Variants in PTPRT observed in about 807,000 individuals in gnomAD.
PTPRT encodes the protein protein tyrosine phosphatase receptor type T.
Under a neutral mutation model 176.8 loss-of-function variants are expected in PTPRT, and 56 were observed. The observed-to-expected ratio is 0.32, with a 90% CI of 0.26 to 0.40. The LOEUF is 0.40. Among genes scored for constraint, PTPRT ranks in the 10% least tolerant of loss-of-function variants. PTPRT has a pLI of 1.00. For missense variants in PTPRT, 1,540 were observed against 1,908.2 expected (o/e 0.81, Z 3.60); for synonymous variants, 783 against 739.0 (o/e 1.06, Z -0.96).
rs1255267199 is a variant in PTPRT, at chr20:42,771,488, A to G, written c.631T>C (p.Phe211Leu). Residue 211 changes from phenylalanine (F) to leucine (L), a missense_variant, in exon 5 of 31, where the codon TTT becomes CTT. Around this residue, in one of 11 missense-constraint regions of PTPRT, gnomAD observed 273 missense variants for 432.1 expected, o/e 0.63. Coordinates refer to ENST00000373187, the MANE Select transcript of PTPRT (RefSeq NM_007050.6). The stretch of plus-strand genomic sequence containing the variant: ...CACTTCCCACCAGCAATGCACTGAA[A>G]TGTGGCATTCTGCCCCACATTCACC... ...VEVNVGQNAT[F>L]QCIAGGKWSQ... 12 of 1,614,000 alleles carry G rather than the reference A, an allele frequency of 7.4e-6. No individual in the cohort carries two copies. The highest frequency in any genetic ancestry group is 1.0e-5 in the Non-Finnish European group (12 of 1,180,020).
At position 42,076,696 on chromosome 20, in the gene PTPRT, G is replaced by A. The variant is rs1193623526; in HGVS notation, c.*4183C>T. 2 of 197,382 alleles carry A rather than the reference G, an allele frequency of 1.0e-5. No individual in the cohort carries two copies. Among genetic ancestry groups the A allele is most frequent in the African/African-American group, 5.0e-5 (2 of 39,876 alleles). 12.2% of individuals were successfully genotyped at this position (197,382 alleles called of 1,614,324 possible). A position where few individuals can be genotyped will look rare whatever the true frequency, so the allele number is the denominator to read the frequency against. ...CAGCTGACCTAGGGTCCGTCATAGC[G>A]GGGTGAACAGAACAGAACAACATGA... On this transcript the variant is annotated 3_prime_UTR_variant, in exon 31 of 31. Transcript: ENST00000373187.
In PTPRT at chr20:42,441,451, G is replaced by A. The variant is rs549714305; in HGVS notation, c.1560+6769C>T. Among the ~76,000 whole-genome samples, 30 of 152,332 alleles carry A rather than the reference G, an allele frequency of 2.0e-4. No homozygotes were observed. In the East Asian group the frequency reaches 4.8e-3, roughly 25 times the overall value. ...TGCAGTAAGCAATGGGAAGAGGAGCGGCAGGTGAAGATAGAGAGGCAGCCA... is the reference window on the plus strand; with the variant it reads ...TGCAGTAAGCAATGGGAAGAGGAGCAGCAGGTGAAGATAGAGAGGCAGCCA... On this transcript the variant is annotated intron_variant, in intron 9 of 30. Transcript: ENST00000373187.
chr20:43,043,768 C>G (rs1986728410), intron 1 of PTPRT, among the ~76,000 whole-genome samples: 1 of 152,202 alleles, frequency 6.6e-6, no homozygotes. Flanking sequence ...AATGGGTAAA[C>G]TGAGGTCTGA....
At chr20:42,776,552 C>A (rs1330987149) in intron 4 of PTPRT, among the ~76,000 whole-genome samples, 1 of 152,080 alleles carries the variant, frequency 6.6e-6, no homozygotes, top group Non-Finnish European at 1.5e-5. Flanking sequence ...ACTACGGTGG[C>A]CAACACCTTG....
chr20:42,225,102 C>T (rs942774854), intron 15 of PTPRT, among the ~76,000 whole-genome samples: 1 of 152,112 alleles, frequency 6.6e-6, no homozygotes, highest in African/African-American at 2.4e-5. Flanking sequence ...CGGGTGGATG[C>T]CAGGAGGAGG....
At chr20:42,053,199 A>T in the PTPRT span, among the ~76,000 whole-genome samples, 1 of 152,208 alleles carries the variant, frequency 6.6e-6, no homozygotes, top group African/African-American at 2.4e-5. Context: ...TGGGTCCCGT[A>T]TCCAGAGGTT....
intron 19 of PTPRT, among the ~76,000 whole-genome samples, chr20:42,126,937 T>C (rs1018475025): frequency 2.6e-5 from 4 of 152,238 alleles, no homozygotes; most frequent in Middle Eastern, 6.8e-3. Context: ...ACGGTGTTCA[T>C]CTTCAACTCC....
chr20:42,301,127 A>G (rs2057461812), intron 12 of PTPRT, among the ~76,000 whole-genome samples: 1 of 152,248 alleles, frequency 6.6e-6, no homozygotes, highest in Admixed American at 6.5e-5. Flanking sequence ...ATATATTACA[A>G]AGAAATAGTA....
At chr20:42,412,706 T>C (rs1277215905) in intron 9 of PTPRT, among the ~76,000 whole-genome samples, 1 of 152,198 alleles carries the variant, frequency 6.6e-6, no homozygotes. Flanking sequence ...CAAATACTAC[T>C]CAGCAAATAA....
intron 1 of PTPRT, among the ~76,000 whole-genome samples, chr20:43,063,878 C>T (rs1163543178): frequency 6.6e-6 from 1 of 152,140 alleles, no homozygotes; most frequent in Non-Finnish European, 1.5e-5. Context: ...TTGATGGACT[C>T]AACATGAGTT....
intron 1 of PTPRT, chr20:42,968,977 C>T (rs1355016072): frequency 1.3e-5 from 2 of 152,240 alleles, no homozygotes; most frequent in African/African-American, 4.8e-5. Flanking sequence ...TCCACACACA[C>T]AGTTTGCCTG....
At chr20:42,921,661 G>A (rs1568681716) in intron 1 of PTPRT, among the ~76,000 whole-genome samples, 1 of 152,152 alleles carries the variant, frequency 6.6e-6, no homozygotes, top group Non-Finnish European at 1.5e-5. Flanking sequence ...CTATCTCTTT[G>A]CTGTGCCTCA....
rs868766205 is a variant in PTPRT at position 42,920,631 on chromosome 20, C to T, written c.89-34699G>A. On this transcript the variant is annotated intron_variant, in intron 1 of 30. Transcript: ENST00000373187. ...TCACATACATACAAAAAGATTAGAACACTTTATTCCAAACAAAACACTATT... is the reference window on the plus strand; with the variant it reads ...TCACATACATACAAAAAGATTAGAATACTTTATTCCAAACAAAACACTATT... Among the ~76,000 whole-genome samples, 4 of 151,968 alleles carry T rather than the reference C, an allele frequency of 2.6e-5. No individual in the cohort carries two copies. In the South Asian group the frequency reaches 8.3e-4, roughly 32 times the overall value.
At chr20:42,926,479 A>G (rs2145963486) in intron 1 of PTPRT, among the ~76,000 whole-genome samples, 1 of 152,272 alleles carries the variant, frequency 6.6e-6, no homozygotes, top group East Asian at 1.9e-4. Flanking sequence ...TCCTCAAGGG[A>G]TCCAGGACGA....
In PTPRT at chr20:42,257,656, C is replaced by CCG. The variant is rs1379631907; in HGVS notation, c.2177-8835_2177-8834insCG. Among the ~76,000 whole-genome samples, 50 of 99,066 alleles carry CCG rather than the reference C, an allele frequency of 5.0e-4. 5 individuals carry two copies. Among genetic ancestry groups the CCG allele is most frequent in the African/African-American group, 2.0e-3 (44 of 21,926 alleles). 65.0% of individuals were successfully genotyped at this position (99,066 alleles called of 152,430 possible). ...GCACCTCCCCCCACCCCCCCCCCCCCGCCCACTACTCTCTCTTGATCCTGA... is the reference window on the plus strand; with the variant it reads ...GCACCTCCCCCCACCCCCCCCCCCCCCGGCCCACTACTCTCTCTTGATCCTGA... On this transcript the variant is annotated intron_variant, in intron 13 of 30. Coordinates refer to ENST00000373187, the MANE Select transcript of PTPRT (RefSeq NM_007050.6).
chr20:42,970,838 A>G (rs1982591276), intron 1 of PTPRT: 1 of 152,244 alleles, frequency 6.6e-6, no homozygotes, highest in Admixed American at 6.5e-5. Flanking sequence ...ACGTGGTAAT[A>G]TGGTAAAATA....
At chr20:42,824,671 A>C (rs938909245) in intron 2 of PTPRT, among the ~76,000 whole-genome samples, 1 of 152,092 alleles carries the variant, frequency 6.6e-6, no homozygotes, top group South Asian at 2.1e-4. Context: ...GAAGAAGAAT[A>C]AAAAATCAAA....
chr20:42,690,947 T>C (rs554030860), intron 6 of PTPRT, among the ~76,000 whole-genome samples: 1 of 152,312 alleles, frequency 6.6e-6, no homozygotes, highest in Admixed American at 6.5e-5. Context: ...TTTCTTCCCA[T>C]GGCTATTAGC....
chr20:42,197,692 C>CAACTT (rs1212589248), intron 16 of PTPRT, among the ~76,000 whole-genome samples: 6 of 150,560 alleles, frequency 4.0e-5, no homozygotes, highest in African/African-American at 1.5e-4. Flanking sequence ...ATGATGTCTG[C>CAACTT]AACTTACTTC....
Sources: allele counts gnomAD v4.1 joint callset (sites outside exome capture counted in the v4.1 genomes callset), GRCh38; gene constraint gnomAD v4.1.1; regional missense constraint gnomAD v4.1.1; transcripts MANE v1.5; gene names NCBI Gene and HGNC (gene_info 2026-07-23, HGNC 2026-07-21).